KIAA0825: variants seen among roughly 807,000 people sequenced by gnomAD.
KIAA0825 encodes uncharacterized protein KIAA0825.
Under a neutral mutation model 147.6 loss-of-function variants are expected in KIAA0825, and 119 were observed. The ratio of observed to expected loss-of-function variants is 0.81; its 90% CI spans 0.69 to 0.94. The LOEUF (loss-of-function observed/expected upper bound fraction) is 0.94, where lower values mean the gene tolerates loss of function less well. Among genes scored for constraint, KIAA0825 ranks in the 40% least tolerant of loss-of-function variants. The probability of loss-of-function intolerance (pLI) is 0.00; values close to 1 mark genes in which losing one functional copy is unlikely to be tolerated. For missense variants in KIAA0825, 1,381 were observed against 1,472.7 expected (o/e 0.94, Z 1.02); for synonymous variants, 470 against 518.1 (o/e 0.91, Z 1.26).
chr5:94,440,956 A>C (rs1757004814), intron 13 of KIAA0825, among the ~76,000 whole-genome samples: 3 of 152,260 alleles, frequency 2.0e-5, no homozygotes, highest in Middle Eastern at 3.4e-3. Flanking sequence ...GTTAAACTCA[A>C]TCTGGTGACA....
At chr5:94,493,450 T>G (rs762644508) in intron 5 of KIAA0825, among the ~76,000 whole-genome samples, 1 of 152,170 alleles carries the variant, frequency 6.6e-6, no homozygotes, top group African/African-American at 2.4e-5. Flanking sequence ...AAAATATGTA[T>G]TAGAGAGGCT....
chr5:94,456,983 G>T (rs1759194199), intron 12 of KIAA0825, among the ~76,000 whole-genome samples: 1 of 152,176 alleles, frequency 6.6e-6, no homozygotes, highest in African/African-American at 2.4e-5. Flanking sequence ...GTATTTACCT[G>T]AGCATTTCTG....
At chr5:94,611,416 T>C (rs1788752019) in intron 1 of KIAA0825, among the ~76,000 whole-genome samples, 1 of 151,988 alleles carries the variant, frequency 6.6e-6, no homozygotes, top group African/African-American at 2.4e-5. Flanking sequence ...GAAACAAAAA[T>C]ACAGGCTATG....
intron 1 of KIAA0825, among the ~76,000 whole-genome samples, chr5:94,583,741 C>T (rs554222640): frequency 3.9e-5 from 6 of 152,274 alleles, no homozygotes; most frequent in Non-Finnish European, 7.4e-5. Flanking sequence ...TCCCTGACCC[C>T]TGTGTAGCCT....
chr5:94,613,360 C>T (rs1298113738), intron 1 of KIAA0825, among the ~76,000 whole-genome samples: 6 of 152,060 alleles, frequency 3.9e-5, no homozygotes, highest in African/African-American at 1.5e-4. Context: ...CCACACCCAG[C>T]TAATTTTTGT....
chr5:94,526,198 C>T (rs1334133549), intron 3 of KIAA0825, among the ~76,000 whole-genome samples: 2 of 151,846 alleles, frequency 1.3e-5, no homozygotes, highest in East Asian at 3.8e-4. Flanking sequence ...AAATAAATTA[C>T]AACTTAATTT....
At chr5:94,356,529 G>A (rs977651657) in intron 20 of KIAA0825, among the ~76,000 whole-genome samples, 11 of 151,142 alleles carry the variant, frequency 7.3e-5, no homozygotes, top group African/African-American at 1.2e-4. Flanking sequence ...GGAGAATGGC[G>A]TGCACCCGGG....
intron 5 of KIAA0825, among the ~76,000 whole-genome samples, chr5:94,490,898 G>C (rs1385430034): frequency 6.6e-6 from 1 of 152,144 alleles, no homozygotes; most frequent in African/African-American, 2.4e-5. Context: ...CCTCACATTT[G>C]ATCTGCAACA....
At chr5:94,261,756 C>T (rs1776504134) in intron 20 of KIAA0825, among the ~76,000 whole-genome samples, 1 of 152,108 alleles carries the variant, frequency 6.6e-6, no homozygotes, top group African/African-American at 2.4e-5. Context: ...CTCTCTCACC[C>T]AGCCAGTCTC....
rs551369773 is a variant in KIAA0825 at position 94,242,471 on chromosome 5, C to T, written c.3711-88347G>A. Reference sequence around the variant, plus strand: ...CTAACACTCTTCCCACCCCAGACCTCAGCCCTCATTCTGAAATGCCTTCCA... The same window carrying T: ...CTAACACTCTTCCCACCCCAGACCTTAGCCCTCATTCTGAAATGCCTTCCA... On this transcript the variant is annotated intron_variant, in intron 20 of 20. Transcript: ENST00000682413. Among the ~76,000 whole-genome samples, 11 of 152,296 alleles carry T rather than the reference C, an allele frequency of 7.2e-5. No homozygotes were observed. The South Asian group carries it at 2.3e-3, about 32-fold the overall frequency.
chr5:94,467,634 T>C (rs971760440), intron 10 of KIAA0825, among the ~76,000 whole-genome samples: 10 of 152,350 alleles, frequency 6.6e-5, no homozygotes, highest in African/African-American at 2.4e-4. Flanking sequence ...ATGGAAATAA[T>C]GTATCTAGAT....
chr5:94,422,461 TC>T (rs1423984437), intron 14 of KIAA0825, among the ~76,000 whole-genome samples: 3 of 152,214 alleles, frequency 2.0e-5, no homozygotes, highest in African/African-American at 7.2e-5. Flanking sequence ...TGTCTTCAGG[TC>T]TTCCTTTCTG....
At chr5:94,261,000 T>C (rs963835737) in intron 20 of KIAA0825, among the ~76,000 whole-genome samples, 1 of 152,130 alleles carries the variant, frequency 6.6e-6, no homozygotes, top group African/African-American at 2.4e-5. Flanking sequence ...AACAGCAAAA[T>C]TCAGTTTTAA....
intron 1 of KIAA0825, among the ~76,000 whole-genome samples, chr5:94,602,806 G>A (rs947685351): frequency 6.6e-6 from 1 of 150,826 alleles, no homozygotes; most frequent in Non-Finnish European, 1.5e-5. Context: ...TCCTCCCTTT[G>A]TAAATTGCCC....
Position 94,520,685 on chromosome 5 carries a change from C to T in KIAA0825, c.533G>A (p.Ser178Asn). The T allele has an allele frequency of 6.2e-7, 1 of 1,613,306 alleles. No individual in the cohort carries two copies. The highest frequency in any genetic ancestry group is 8.5e-7 in the Non-Finnish European group (1 of 1,179,460). Residue 178 changes from serine to asparagine, a missense_variant, in exon 5 of 21, where the codon AGC (serine) becomes AAC (asparagine). Coordinates refer to ENST00000682413, the MANE Select transcript of KIAA0825 (RefSeq NM_001145678.3). Reference protein sequence around the residue: ...LRRFLVSKLQSHNEINNSQQK... With the variant: ...LRRFLVSKLQNHNEINNSQQK... ...CTGTGAATTGTTTATTTCATTATGG[C>T]TTTGTAATTTGCTCACTAAGAAGCG... is the stretch of plus-strand genomic sequence containing the variant.
chr5:94,200,293 G>C (rs1409984028), intron 20 of KIAA0825, among the ~76,000 whole-genome samples: 1 of 152,170 alleles, frequency 6.6e-6, no homozygotes, highest in East Asian at 1.9e-4. Flanking sequence ...TTTCCTAGGA[G>C]CTCCTCAGGG....
intron 15 of KIAA0825, chr5:94,413,242 G>A (rs1222882455): frequency 6.6e-6 from 1 of 152,238 alleles, no homozygotes; most frequent in African/African-American, 2.4e-5. Context: ...GAGCCACCAT[G>A]CTTGGCCGAG....
intron 20 of KIAA0825, among the ~76,000 whole-genome samples, chr5:94,197,696 A>G (rs1204382461): frequency 6.6e-5 from 10 of 152,214 alleles, no homozygotes; most frequent in Non-Finnish European, 1.3e-4. Flanking sequence ...GCATATGGCT[A>G]GCCGGTTATC....
At chr5:94,337,992 T>C (rs967962795) in intron 20 of KIAA0825, among the ~76,000 whole-genome samples, 22 of 152,196 alleles carry the variant, frequency 1.4e-4, no homozygotes, top group African/African-American at 5.1e-4. Context: ...GATGGTACCT[T>C]ACACTAAAGT....
Sources: allele counts gnomAD v4.1 joint callset (sites outside exome capture counted in the v4.1 genomes callset), GRCh38; gene constraint gnomAD v4.1.1; transcripts MANE v1.5; gene names NCBI Gene and HGNC (gene_info 2026-07-23, HGNC 2026-07-21).